MAGI1: variants seen among roughly 807,000 people sequenced by gnomAD.
The protein encoded by MAGI1 is membrane associated guanylate kinase, WW and PDZ domain containing 1, also known as membrane-associated guanylate kinase, WW and PDZ domain-containing protein 1.
MAGI1 carries 58 observed loss-of-function variants against 139.9 expected under a neutral mutation model. That is an observed-to-expected ratio of 0.41 (90% CI 0.34 to 0.52). MAGI1 has a LOEUF of 0.52. MAGI1 is among the 20% of genes least tolerant of loss of function. The probability of loss-of-function intolerance (pLI) is 0.12; values close to 1 mark genes in which losing one functional copy is unlikely to be tolerated. For missense variants in MAGI1, 1,874 were observed against 1,901.6 expected, an observed-to-expected ratio of 0.99 and a Z score of 0.27; for synonymous variants, 812 against 737.9, an observed-to-expected ratio of 1.10 and a Z score of -1.63.
chr3:65,651,049 C>T (rs1467719660), intron 1 of MAGI1, among the ~76,000 whole-genome samples: 2 of 152,060 alleles, frequency 1.3e-5, no homozygotes, highest in Non-Finnish European at 1.5e-5. Flanking sequence ...ATTGTAACTC[C>T]CCCAACCCCA....
intron 1 of MAGI1, among the ~76,000 whole-genome samples, chr3:65,836,842 G>T (rs1258948482): frequency 6.6e-6 from 1 of 152,094 alleles, no homozygotes; most frequent in Non-Finnish European, 1.5e-5. Flanking sequence ...GAGAAAGAGC[G>T]AGCTGTGCTT....
rs866581066 is a variant in MAGI1 at position 65,899,916 on chromosome 3, T to C, written c.313+138080A>G. Reference sequence around the variant, plus strand: ...CCAAAGTGAGAGTGCTAAGATGGCATTGCACCCACAGAAATACAGATCTTG... The same window carrying C: ...CCAAAGTGAGAGTGCTAAGATGGCACTGCACCCACAGAAATACAGATCTTG... On this transcript the variant is annotated intron_variant, in intron 1 of 22. Transcript: ENST00000402939. 4.6e-5 allele frequency among the ~76,000 whole-genome samples: 7 copies of C among 152,248 alleles called. No homozygotes were observed. In the Middle Eastern group the frequency reaches 0.01, roughly 222 times the overall value.
chr3:65,680,768 G>GAT (rs1440381819), intron 1 of MAGI1, among the ~76,000 whole-genome samples: 1 of 133,774 alleles, frequency 7.5e-6, no homozygotes, highest in Non-Finnish European at 1.5e-5. Context: ...ATAATGATAT[G>GAT]ATATGATATG....
intron 1 of MAGI1, among the ~76,000 whole-genome samples, chr3:65,866,309 G>T (rs1325476545): frequency 6.7e-6 from 1 of 150,078 alleles, no homozygotes; most frequent in African/African-American, 2.5e-5. Context: ...AACCTCCTGG[G>T]CTCAAGCGGT....
At chr3:65,640,848 A>G (rs1213573588) in intron 1 of MAGI1, among the ~76,000 whole-genome samples, 1 of 152,200 alleles carries the variant, frequency 6.6e-6, no homozygotes, top group African/African-American at 2.4e-5. Flanking sequence ...TCCCTGACAC[A>G]TTATAGTTCC....
intron 1 of MAGI1, among the ~76,000 whole-genome samples, chr3:65,651,083 T>C (rs1156402161): frequency 6.6e-6 from 1 of 152,226 alleles, no homozygotes; most frequent in Non-Finnish European, 1.5e-5. Context: ...TTATTCTCTA[T>C]AATTCTGCTA....
At chr3:66,022,377 C>T (rs984550180) in intron 1 of MAGI1, among the ~76,000 whole-genome samples, 56 of 152,164 alleles carry the variant, frequency 3.7e-4, no homozygotes, top group African/African-American at 1.0e-3. Flanking sequence ...CCTATTTTCC[C>T]GATTTTTCTC....
At chr3:65,457,294 T>A (rs531153880) in intron 5 of MAGI1, among the ~76,000 whole-genome samples, 2 of 152,324 alleles carry the variant, frequency 1.3e-5, no homozygotes, top group East Asian at 3.9e-4. Flanking sequence ...ATAATTCTCA[T>A]CAAGATTGCT....
chr3:65,630,748 C>T (rs1311107464), intron 1 of MAGI1, among the ~76,000 whole-genome samples: 1 of 152,144 alleles, frequency 6.6e-6, no homozygotes, highest in African/African-American at 2.4e-5. Context: ...AAAGACTACA[C>T]ACTGGGTGCC....
intron 1 of MAGI1, among the ~76,000 whole-genome samples, chr3:65,685,796 T>G (rs922763367): frequency 2.0e-5 from 3 of 152,200 alleles, no homozygotes; most frequent in African/African-American, 4.8e-5. Context: ...CCTGGAAGAA[T>G]GCCAGTGGTC....
Position 65,590,615 on chromosome 3 carries a change from C to G in MAGI1, c.430+31357G>C, listed in dbSNP as rs562220531. 9.9e-5 allele frequency among the ~76,000 whole-genome samples: 15 copies of G among 152,272 alleles called. No homozygotes were observed. The East Asian group carries it at 2.1e-3, about 22-fold the overall frequency. On this transcript the variant is annotated intron_variant, in intron 2 of 22. Coordinates refer to ENST00000402939, the MANE Select transcript of MAGI1 (RefSeq NM_001033057.2). ...AAAACTGCTACTTAGCTGTCCCCCCCATTCGTCTTTAATTAGCTGCTTGAA... is the reference window on the plus strand; with the variant it reads ...AAAACTGCTACTTAGCTGTCCCCCCGATTCGTCTTTAATTAGCTGCTTGAA...
intron 22 of MAGI1, chr3:65,360,975 T>C: frequency 7.0e-7 from 1 of 1,434,240 alleles, no homozygotes; most frequent in Non-Finnish European, 9.1e-7. Context: ...GAAAGGGGGC[T>C]ATAAAGATCT....
chr3:65,395,636 C>CAAAAA (rs58806140), intron 13 of MAGI1, among the ~76,000 whole-genome samples: 2,040 of 19,106 alleles, frequency 0.11, 490 homozygotes, highest in Non-Finnish European at 0.16. Flanking sequence ...GACTCCATCT[C>CAAAAA]AAAAAAAAAA....
intron 1 of MAGI1, among the ~76,000 whole-genome samples, chr3:66,007,715 C>T (rs79348941): frequency 6.6e-6 from 1 of 152,272 alleles, no homozygotes; most frequent in South Asian, 2.1e-4. Context: ...AGAAAATATA[C>T]TGCAGACAAC....
chr3:65,786,783 GT>G (rs988425743), intron 1 of MAGI1, among the ~76,000 whole-genome samples: 1 of 151,576 alleles, frequency 6.6e-6, no homozygotes, highest in Non-Finnish European at 1.5e-5. Context: ...GGCTAATTTT[GT>G]TTTTGTATTT....
chr3:65,580,153 T>A (rs1278182257), intron 2 of MAGI1, among the ~76,000 whole-genome samples: 1 of 152,250 alleles, frequency 6.6e-6, no homozygotes, highest in East Asian at 1.9e-4. Context: ...GGAAAAAAAT[T>A]TAAAATGAAG....
At chr3:65,508,801 T>C (rs1253733243) in intron 2 of MAGI1, among the ~76,000 whole-genome samples, 1 of 152,232 alleles carries the variant, frequency 6.6e-6, no homozygotes, top group Non-Finnish European at 1.5e-5. Context: ...TGTGTTTTGT[T>C]TCATGTGTAT....
Position 65,910,855 on chromosome 3 carries a change from C to CTTTTTTTTTTTTTTTTTTTT in MAGI1, c.313+127121_313+127140dup, listed in dbSNP as rs397989928. Among the ~76,000 whole-genome samples, 72 of 59,480 alleles carry CTTTTTTTTTTTTTTTTTTTT rather than the reference C, an allele frequency of 1.2e-3. 29 individuals are homozygous for CTTTTTTTTTTTTTTTTTTTT. Among genetic ancestry groups the CTTTTTTTTTTTTTTTTTTTT allele is most frequent in the African/African-American group, 4.1e-3 (52 of 12,680 alleles). The allele number at this position is 59,480 out of a possible 152,430, so 39.0% of individuals were successfully genotyped here. A position where few individuals can be genotyped will look rare whatever the true frequency, so the allele number is the denominator to read the frequency against. ...TGAGGCCTCTTTCAGACATGGTGGA[C>CTTTTTTTTTTTTTTTTTTTT]TTTTTTTTTTTTTTTTTTTTGAGAT... On this transcript the variant is annotated intron_variant, in intron 1 of 22. Transcript: ENST00000402939.
At chr3:65,737,013 T>G (rs2034801721) in intron 1 of MAGI1, among the ~76,000 whole-genome samples, 1 of 152,134 alleles carries the variant, frequency 6.6e-6, no homozygotes, top group African/African-American at 2.4e-5. Context: ...CTTTTTTTTT[T>G]TTTTCTTTTT....
Sources: gnomAD v4.1 joint callset for allele counts (sites outside exome capture counted in the v4.1 genomes callset) on GRCh38, gnomAD v4.1.1 for gene constraint, MANE v1.5 for transcripts, NCBI Gene and HGNC (gene_info 2026-07-23, HGNC 2026-07-21) for gene names.